Variants in SALL4 observed in about 807,000 individuals in gnomAD.
The protein encoded by SALL4 is sal-like protein 4.
Under a neutral mutation model 60.8 loss-of-function variants are expected in SALL4, and 4 were observed. The observed-to-expected ratio is 0.07, with a 90% confidence interval of 0.03 to 0.15. The LOEUF (loss-of-function observed/expected upper bound fraction) is 0.15. Ranked by LOEUF, SALL4 falls within the 10% of genes least tolerant of loss-of-function variation. The pLI is 1.00. For missense variants in SALL4, 1,178 were observed against 1,394.7 expected (o/e 0.84, Z 2.48); for synonymous variants, 580 against 574.9 (o/e 1.01, Z -0.13).
In SALL4 at chr20:51,791,998, G is replaced by A. The variant is rs774318830; in HGVS notation, c.485C>T (p.Pro162Leu). ...VVYLKTETAL[P>L]PTPQDISYLA... is the part of the protein sequence containing the mutation. The stretch of plus-strand genomic sequence containing the variant: ...ATAGCTTATGTCCTGGGGGGTGGGT[G>A]GCAGGGCTGTCTCTGTCTTTAGGTA... Residue 162 changes from proline to leucine, a missense_variant, in exon 2 of 4, where the codon CCA becomes CTA. Pro to Leu is a moderately conservative substitution (Grantham distance 98). Coordinates refer to ENST00000217086, the MANE Select transcript of SALL4 (RefSeq NM_020436.5). This position sits in a 1 kb window ranked among gnomAD's most constrained non-coding sequence, Gnocchi z 4.6. The A allele has an allele frequency of 1.2e-5, 20 of 1,614,036 alleles. No homozygotes were observed. The Admixed American group carries it at 1.7e-4, about 13-fold the overall frequency.
At chr20:51,789,237 A>G in intron 2 of SALL4, 96 bp from the exon 3 acceptor site, 1 of 1,405,904 alleles carries the variant, frequency 7.1e-7, no homozygotes, top group East Asian at 2.3e-5. Context: ...ACTGCCTGCT[A>G]GTTTGAGAGT....
At chr20:51,797,191 T>C (rs949676278) in intron 1 of SALL4, among the ~76,000 whole-genome samples, 2 of 151,670 alleles carry the variant, frequency 1.3e-5, no homozygotes, top group Non-Finnish European at 2.9e-5. Context: ...ACTTGGAAAT[T>C]CTTGTTATCT....
chr20:51,792,460 G>A (rs2078053638), intron 1 of SALL4, 108 bp from the exon 2 acceptor site: 4 of 1,359,110 alleles, frequency 2.9e-6, no homozygotes, highest in Non-Finnish European at 1.0e-6. Context: ...AGGCTGAGGT[G>A]GGCAGATCAC....
At chr20:51,795,362 G>A (rs1260332617) in intron 1 of SALL4, among the ~76,000 whole-genome samples, 2 of 152,166 alleles carry the variant, frequency 1.3e-5, no homozygotes, top group African/African-American at 4.8e-5. Flanking sequence ...AGCCGAGACA[G>A]TGCCACTGCA....
intron 1 of SALL4, among the ~76,000 whole-genome samples, chr20:51,800,497 G>C (rs530529520): frequency 1.3e-5 from 2 of 152,192 alleles, no homozygotes; most frequent in Non-Finnish European, 2.9e-5. Context: ...GTTAATTTCA[G>C]AAGCCCTCTC....
Position 51,802,463 on chromosome 20 carries a change from A to G in SALL4, c.-55T>C. On this transcript the variant is annotated 5_prime_UTR_variant, in exon 1 of 4. Transcript: ENST00000217086. ...GCAGTTATTTGCCCTCTCCGCCACAAATTCCTGGAGTTGGGAAATTTACCC... is the reference window on the plus strand; with the variant it reads ...GCAGTTATTTGCCCTCTCCGCCACAGATTCCTGGAGTTGGGAAATTTACCC... 2 of 1,610,906 alleles carry G rather than the reference A, an allele frequency of 1.2e-6. No homozygotes were observed. Among genetic ancestry groups the G allele is most frequent in the Non-Finnish European group, 1.7e-6 (2 of 1,179,178 alleles).
chr20:51,790,747 C>T lies in SALL4; in HGVS notation c.1736G>A (p.Ser579Asn), dbSNP rs780803729. ...GGTGCGATAATGCATCTTGAGGGAG[C>T]TCTGACAGCTTAAGACTCGGTGGCA... ...LICHRVLSCQ[S>N]SLKMHYRTHT... Residue 579 changes from serine to asparagine, a missense_variant, in exon 2 of 4, where the codon AGC becomes AAC. By Grantham distance (46) the Ser-to-Asn change is conservative. Transcript: ENST00000217086. This position sits in a 1 kb window ranked among gnomAD's most constrained non-coding sequence, Gnocchi z 5.5. 3.1e-6 allele frequency: 5 copies of T among 1,613,980 alleles called. No homozygotes were observed. Among genetic ancestry groups the T allele is most frequent in the East Asian group, 2.2e-5 (1 of 44,872 alleles).
chr20:51,785,870 G>C (rs796355382), intron 3 of SALL4, among the ~76,000 whole-genome samples: 2 of 151,634 alleles, frequency 1.3e-5, no homozygotes, highest in Admixed American at 6.6e-5. Context: ...TCTTGATCTC[G>C]TGACCTCGTG....
chr20:51,782,650 C>T lies in SALL4; in HGVS notation c.*1615G>A, dbSNP rs754517637. 1.3e-5 allele frequency: 2 copies of T among 151,482 alleles called. No individual in the cohort carries two copies. The highest frequency in any genetic ancestry group is 2.4e-5 in the African/African-American group (1 of 41,176). The allele number at this position is 151,482 out of a possible 1,614,324, so 9.4% of individuals were successfully genotyped here. A position where few individuals can be genotyped will look rare whatever the true frequency, so the allele number is the denominator to read the frequency against. Reference sequence around the variant, plus strand: ...GCTAATCGTCTTGGATGCATATTTCCGTCAGGACCTTCCACATAGAGGGGA... The same window carrying T: ...GCTAATCGTCTTGGATGCATATTTCTGTCAGGACCTTCCACATAGAGGGGA... On this transcript the variant is annotated 3_prime_UTR_variant, in exon 4 of 4. Coordinates refer to ENST00000217086, the MANE Select transcript of SALL4 (RefSeq NM_020436.5).
rs2078005497 is a variant in SALL4, at chr20:51,788,111, C to T, written c.2742+750G>A. Among the ~76,000 whole-genome samples the T allele has an allele frequency of 6.6e-6, 1 of 151,540 alleles. No homozygotes were observed. Among genetic ancestry groups the T allele is most frequent in the Non-Finnish European group, 1.5e-5 (1 of 67,952 alleles). Reference sequence around the variant, plus strand: ...AGTACTCAGATTATGGGTGCTGAGCCACTGCACCCAGGTAGTATTTCTAAT... The same window carrying T: ...AGTACTCAGATTATGGGTGCTGAGCTACTGCACCCAGGTAGTATTTCTAAT... On this transcript the variant is annotated intron_variant, in intron 3 of 3. Transcript: ENST00000217086. The surrounding 1 kb of genome is among the most constrained non-coding windows in gnomAD (Gnocchi z 4.1).
Position 51,801,288 on chromosome 20 carries a change from C to T in SALL4, c.130+991G>A, listed in dbSNP as rs1005807006. Among the ~76,000 whole-genome samples, 4 of 152,212 alleles carry T rather than the reference C, an allele frequency of 2.6e-5. No individual in the cohort carries two copies. The highest frequency in any genetic ancestry group is 5.9e-5 in the Non-Finnish European group (4 of 68,036). ...CTGGCGCGGCTGGGGTCCCGAACTC[C>T]CCTCGATCTGGGAAACGCTGGCCGC... On this transcript the variant is annotated intron_variant, in intron 1 of 3. Coordinates refer to ENST00000217086, the MANE Select transcript of SALL4 (RefSeq NM_020436.5). The surrounding 1 kb of genome is among the most constrained non-coding windows in gnomAD (Gnocchi z 5.2).
chr20:51,792,451 G>A, intron 1 of SALL4, 99 bp from the exon 2 acceptor site: 6 of 1,413,574 alleles, frequency 4.2e-6, no homozygotes, highest in Non-Finnish European at 5.9e-6. Context: ...CACTTTGGGA[G>A]GCTGAGGTGG....
Position 51,784,333 on chromosome 20 carries a change from C to T in SALL4, c.3094G>A (p.Ala1032Thr). Reference protein sequence around the residue: ...GISADVEKPSATDGVPKHQFP... With the variant: ...GISADVEKPSTTDGVPKHQFP... ...TGGTGTTTGGGAACGCCGTCAGTAG[C>T]ACTTGGTTTTTCCACATCTGCACTG... The change falls in exon 4 of 4, where the codon GCT becomes ACT. Residue 1032 changes from alanine (A) to threonine (T), a missense_variant. Transcript: ENST00000217086. 6.2e-7 allele frequency: 1 copy of T among 1,614,190 alleles called. No homozygotes were observed.
chr20:51,799,217 G>A (rs1328633126), intron 1 of SALL4, among the ~76,000 whole-genome samples: 5 of 152,048 alleles, frequency 3.3e-5, no homozygotes, highest in Non-Finnish European at 7.4e-5. Flanking sequence ...CCCTTCTATA[G>A]TTGAAATTAT....
rs1168050633 is a variant in SALL4 at position 51,790,355 on chromosome 20, T to A, written c.2128A>T (p.Thr710Ser). 2 of 1,613,904 alleles carry A rather than the reference T, an allele frequency of 1.2e-6. No individual in the cohort carries two copies. The highest frequency in any genetic ancestry group is 2.7e-5 in the African/African-American group (2 of 74,858). Reference sequence around the variant, plus strand: ...GCCGAGTGGATGCTGGGAAGAGGCGTGGGGACCTTGGAGGAGCTGCTGGGA... The same window carrying A: ...GCCGAGTGGATGCTGGGAAGAGGCGAGGGGACCTTGGAGGAGCTGCTGGGA... ...EAPSSSSKVPTPLPSIHSASP... is the reference protein window; with the variant it reads ...EAPSSSSKVPSPLPSIHSASP... Residue 710 changes from threonine to serine, a missense_variant, in exon 2 of 4, where the codon ACG (threonine) becomes TCG (serine). Coordinates refer to ENST00000217086, the MANE Select transcript of SALL4 (RefSeq NM_020436.5). The surrounding 1 kb of genome is among the most constrained non-coding windows in gnomAD (Gnocchi z 5.5).
At position 51,790,483 on chromosome 20, in the gene SALL4, C is replaced by T; in HGVS notation, c.2000G>A (p.Gly667Asp). 6.2e-7 allele frequency: 1 copy of T among 1,614,094 alleles called. No individual in the cohort carries two copies. The highest frequency in any genetic ancestry group is 8.5e-7 in the Non-Finnish European group (1 of 1,180,038). Residue 667 changes from glycine to aspartate, a missense_variant, in exon 2 of 4, where the codon GGT becomes GAT. By Grantham distance (94) the Gly-to-Asp change is moderately conservative. Transcript: ENST00000217086. The surrounding 1 kb of genome is among the most constrained non-coding windows in gnomAD (Gnocchi z 5.5). Reference sequence around the variant, plus strand: ...CTCACCCACGGTCATTGGCTCAGAACCCGTAAAGTCACAGGGATTCTCTGG... The same window carrying T: ...CTCACCCACGGTCATTGGCTCAGAATCCGTAAAGTCACAGGGATTCTCTGG... ...PLPENPCDFTGSEPMTVGENG... is the reference protein window; with the variant it reads ...PLPENPCDFTDSEPMTVGENG...
Position 51,791,467 on chromosome 20 carries a change from G to A in SALL4, c.1016C>T (p.Pro339Leu), listed in dbSNP as rs1227973504. Reference sequence around the variant, plus strand: ...AGGGCTCTGGAAGAGCACCGAGCCCGGGGCCTGAGGAAGCAAAGCGCTCGG... The same window carrying A: ...AGGGCTCTGGAAGAGCACCGAGCCCAGGGCCTGAGGAAGCAAAGCGCTCGG... ...RLPSALLPQA[P>L]GSVLFQSPFS... is the part of the protein sequence containing the mutation. Residue 339 changes from proline to leucine, a missense_variant, in exon 2 of 4, where the codon CCG (proline) becomes CTG (leucine). Around this residue, in one of 5 missense-constraint regions of SALL4, gnomAD observed 853 missense variants for 1,036.8 expected, o/e 0.82. Coordinates refer to ENST00000217086, the MANE Select transcript of SALL4 (RefSeq NM_020436.5). The surrounding 1 kb of genome is among the most constrained non-coding windows in gnomAD (Gnocchi z 4.6). The A allele has an allele frequency of 9.3e-6, 15 of 1,613,964 alleles. No individual in the cohort carries two copies. Among genetic ancestry groups the A allele is most frequent in the African/African-American group, 1.3e-5 (1 of 74,914 alleles).
At position 51,788,876 on chromosome 20, in the gene SALL4, G is replaced by C. The variant is rs778038884; in HGVS notation, c.2727C>G (p.Thr909=). The part of the protein sequence containing the change: ...VCNICGRAFT[T]KGNLKVHYMT... ...ACAAACCCACCTTTAAGTTGCCTTT[G>C]GTGGTAAAAGCTCGCCCACAAATGT... Residue 909 remains threonine (T), a synonymous_variant, in exon 3 of 4, where the codon ACC becomes ACG. Transcript: ENST00000217086. The surrounding 1 kb of genome is among the most constrained non-coding windows in gnomAD (Gnocchi z 4.1). The C allele has an allele frequency of 6.2e-7, 1 of 1,614,142 alleles. No homozygotes were observed.
At chr20:51,784,761 T>C (rs1281579341) in intron 3 of SALL4, 77 bp from the exon 4 acceptor site, 24 of 1,513,512 alleles carry the variant, frequency 1.6e-5, no homozygotes, top group Admixed American at 1.0e-4. Flanking sequence ...TCAATCTGCA[T>C]ATGGATTTCA....
Sources: gnomAD v4.1 joint callset for allele counts (sites outside exome capture counted in the v4.1 genomes callset) on GRCh38, gnomAD v4.1.1 for gene constraint, gnomAD v4.1.1 regional missense constraint, Gnocchi (gnomAD v3.1) non-coding constraint, MANE v1.5 for transcripts, NCBI Gene and HGNC (gene_info 2026-07-23, HGNC 2026-07-21) for gene names.